The following DLG2 variants were observed in gnomAD, a reference collection of about 807,000 sequenced individuals.
DLG2 encodes discs large MAGUK scaffold protein 2.
A neutral mutation model predicts 132.5 loss-of-function variants in DLG2; 45 were observed. That is an observed-to-expected ratio of 0.34 (90% confidence interval 0.27 to 0.44). The LOEUF (loss-of-function observed/expected upper bound fraction) is 0.44. Ranked by LOEUF, DLG2 falls within the 20% of genes least tolerant of loss-of-function variation. The pLI, the probability that DLG2 is intolerant of heterozygous loss-of-function variation, is 1.00. For missense variants in DLG2, 1,045 were observed against 1,196.9 expected (o/e 0.87, Z 1.87); for synonymous variants, 424 against 419.6 (o/e 1.01, Z -0.13).
intron 7 of DLG2, among the ~76,000 whole-genome samples, chr11:84,399,923 C>T (rs2098823888): frequency 6.6e-6 from 1 of 152,204 alleles, no homozygotes; most frequent in Non-Finnish European, 1.5e-5. Context: ...TGCTACCTAA[C>T]CTGTTTGTCA....
In DLG2 at chr11:85,458,419, G is replaced by C. The variant is rs550588456; in HGVS notation, c.40+140238C>G. Reference sequence around the variant, plus strand: ...TGATCTTCATTCCTATCCATATTCTGAATTCTATTTCTGTCATTTCAGCCA... The same window carrying C: ...TGATCTTCATTCCTATCCATATTCTCAATTCTATTTCTGTCATTTCAGCCA... On this transcript the variant is annotated intron_variant, in intron 3 of 27. Coordinates refer to ENST00000376104, the MANE Select transcript of DLG2 (RefSeq NM_001142699.3). Among the ~76,000 whole-genome samples, 22 of 152,072 alleles carry C rather than the reference G, an allele frequency of 1.4e-4. No homozygotes were observed. The South Asian group carries it at 4.4e-3, about 30-fold the overall frequency.
chr11:83,492,135 G>A (rs1434347805), intron 21 of DLG2, among the ~76,000 whole-genome samples: 5 of 151,972 alleles, frequency 3.3e-5, no homozygotes, highest in African/African-American at 1.2e-4. Context: ...AAGTTTCCTG[G>A]CTACTTATCT....
At chr11:85,057,819 TCAC>T (rs2063619042) in intron 6 of DLG2, among the ~76,000 whole-genome samples, 2 of 151,412 alleles carry the variant, frequency 1.3e-5, no homozygotes, top group Admixed American at 1.3e-4. Flanking sequence ...CCAACACAAT[TCAC>T]CACATTAAGA....
At chr11:84,271,040 G>T (rs1182719785) in intron 7 of DLG2, among the ~76,000 whole-genome samples, 1 of 152,118 alleles carries the variant, frequency 6.6e-6, no homozygotes, top group Non-Finnish European at 1.5e-5. Context: ...GGGTTAAAAA[G>T]TGCATAAAGC....
chr11:83,994,571 T>G (rs1308101002), intron 11 of DLG2, among the ~76,000 whole-genome samples: 1 of 152,056 alleles, frequency 6.6e-6, no homozygotes, highest in African/African-American at 2.4e-5. Flanking sequence ...CTGAACTAAA[T>G]AAAAATCACT....
At chr11:84,345,554 A>G (rs889886490) in intron 7 of DLG2, among the ~76,000 whole-genome samples, 1 of 152,202 alleles carries the variant, frequency 6.6e-6, no homozygotes, top group Non-Finnish European at 1.5e-5. Context: ...ATCCCAAGAG[A>G]AAGAGTCACA....
At chr11:83,642,132 G>A (rs1390521498) in intron 18 of DLG2, among the ~76,000 whole-genome samples, 1 of 152,102 alleles carries the variant, frequency 6.6e-6, no homozygotes. Context: ...GATACCATGA[G>A]GGCAAGGATG....
intron 16 of DLG2, among the ~76,000 whole-genome samples, chr11:83,865,527 G>A (rs1467708315): frequency 6.6e-6 from 1 of 151,912 alleles, no homozygotes; most frequent in Non-Finnish European, 1.5e-5. Context: ...AGAGAAAGGA[G>A]GAGGAGAAAG....
intron 6 of DLG2, among the ~76,000 whole-genome samples, chr11:85,033,754 C>T (rs1159200084): frequency 6.6e-6 from 1 of 152,130 alleles, no homozygotes; most frequent in Non-Finnish European, 1.5e-5. Context: ...AAATATTTTG[C>T]TTGAAGGATG....
intron 18 of DLG2, among the ~76,000 whole-genome samples, chr11:83,765,529 C>CA (rs1473049568): frequency 1.3e-5 from 2 of 152,198 alleles, no homozygotes; most frequent in African/African-American, 4.8e-5. Flanking sequence ...ACAGAAATCA[C>CA]AAAAGTGTCC....
chr11:85,260,749 A>G (rs1354196083), intron 4 of DLG2, among the ~76,000 whole-genome samples: 1 of 152,180 alleles, frequency 6.6e-6, no homozygotes, highest in Non-Finnish European at 1.5e-5. Flanking sequence ...TTTTGTCTAC[A>G]TTCCTATTAA....
At chr11:84,672,666 A>AG (rs535318558) in intron 6 of DLG2, among the ~76,000 whole-genome samples, 54 of 152,094 alleles carry the variant, frequency 3.6e-4, no homozygotes, top group Non-Finnish European at 5.7e-4. Flanking sequence ...CAGACACCTG[A>AG]GGCACTCCTT....
intron 18 of DLG2, among the ~76,000 whole-genome samples, chr11:83,698,172 C>T (rs1465437031): frequency 6.6e-6 from 1 of 152,310 alleles, no homozygotes; most frequent in South Asian, 2.1e-4. Flanking sequence ...CAGCTTAGTA[C>T]AGTGCCTGGC....
intron 3 of DLG2, among the ~76,000 whole-genome samples, chr11:85,496,147 C>G (rs999616717): frequency 2.0e-4 from 30 of 152,262 alleles, no homozygotes; most frequent in African/African-American, 7.2e-4. Flanking sequence ...CTTTCCTAGC[C>G]AAGGGAAGCC....
chr11:84,167,009 G>A (rs769586556), intron 8 of DLG2: 2 of 533,190 alleles, frequency 3.8e-6, no homozygotes, highest in South Asian at 1.4e-5. Flanking sequence ...CTTCACAGTT[G>A]GGGTTTCTGT....
At chr11:84,932,256 T>C (rs1457651782) in intron 6 of DLG2, among the ~76,000 whole-genome samples, 1 of 152,160 alleles carries the variant, frequency 6.6e-6, no homozygotes, top group Admixed American at 6.6e-5. Flanking sequence ...TTTTAGGTTT[T>C]ACATTGAAGT....
intron 15 of DLG2, among the ~76,000 whole-genome samples, chr11:83,917,777 G>A (rs1451338916): frequency 2.0e-5 from 3 of 152,134 alleles, no homozygotes; most frequent in African/African-American, 7.2e-5. Flanking sequence ...TGTCTACTAC[G>A]TGCTCATGTG....
chr11:84,180,882 T>C (rs1056040776), intron 8 of DLG2, among the ~76,000 whole-genome samples: 12 of 152,028 alleles, frequency 7.9e-5, no homozygotes, highest in Admixed American at 7.9e-4. Context: ...AGGAAATGTT[T>C]CTGTCAGTAG....
At chr11:85,347,752 T>C (rs187459568) in intron 3 of DLG2, among the ~76,000 whole-genome samples, 1 of 151,666 alleles carries the variant, frequency 6.6e-6, no homozygotes, top group Non-Finnish European at 1.5e-5. Context: ...TACATAACTA[T>C]TGACTTTTTC....
Sources: gnomAD v4.1 joint callset for allele counts (sites outside exome capture counted in the v4.1 genomes callset) on GRCh38, gnomAD v4.1.1 for gene constraint, MANE v1.5 for transcripts, NCBI Gene and HGNC (gene_info 2026-07-23, HGNC 2026-07-21) for gene names.